The following KDM3B variants were observed in gnomAD, a reference collection of about 807,000 sequenced individuals.
The protein encoded by KDM3B is lysine-specific demethylase 3B.
A neutral mutation model predicts 170.0 loss-of-function variants in KDM3B; 10 were observed. The observed-to-expected ratio is 0.06, with a 90% CI of 0.04 to 0.10. KDM3B has a LOEUF of 0.10. KDM3B is among the 10% of genes least tolerant of loss of function. The pLI is 1.00. For synonymous variants in KDM3B, 831 were observed against 834.8 expected (o/e 1.00, Z 0.08); for missense variants, 1,394 against 2,195.2 (o/e 0.64, Z 7.29).
Position 138,352,912 on chromosome 5 carries a change from G to C in KDM3B, c.117G>C (p.Gly39=). ...CGGCAGCGGCGAGCGGAGATCCGGG[G>C]CCTGCGCTGCGCACTCGAGCCTGGC... is the stretch of plus-strand genomic sequence containing the variant. ...PAAAAASGDP[G]PALRTRAWRA... is the part of the protein sequence containing the mutation. The change falls in exon 1 of 24, where the codon GGG becomes GGC. Residue 39 remains glycine, a synonymous_variant. Transcript: ENST00000314358. 7.3e-7 allele frequency: 1 copy of C among 1,363,784 alleles called. No individual in the cohort carries two copies. Among genetic ancestry groups the C allele is most frequent in the Non-Finnish European group, 9.5e-7 (1 of 1,057,296 alleles). The allele number at this position is 1,363,784 out of a possible 1,614,324, so 84.5% of individuals were successfully genotyped here.
At chr5:138,362,789 G>A (rs1761646910) in intron 1 of KDM3B, among the ~76,000 whole-genome samples, 1 of 148,816 alleles carries the variant, frequency 6.7e-6, no homozygotes, top group Non-Finnish European at 1.5e-5. Flanking sequence ...TGCACAACGT[G>A]CAGGTTTGTT....
rs1762451955 is a variant in KDM3B, at chr5:138,392,196, T to C, written c.2564T>C (p.Leu855Pro). 1 of 1,516,868 alleles carries C rather than the reference T, an allele frequency of 6.6e-7. No homozygotes were observed. Among genetic ancestry groups the C allele is most frequent in the African/African-American group, 1.4e-5 (1 of 71,980 alleles). The allele number at this position is 1,516,868 out of a possible 1,614,324, so 94.0% of individuals were successfully genotyped here. A position where few individuals can be genotyped will look rare whatever the true frequency, so the allele number is the denominator to read the frequency against. Residue 855 changes from leucine to proline, a missense_variant, in exon 8 of 24, where the codon CTG (leucine) becomes CCG (proline). Leu to Pro is a moderately conservative substitution (Grantham distance 98, BLOSUM62 -3). Transcript: ENST00000314358. Reference protein sequence around the residue: ...LGPNGERSAELLLGKSKGKQA... With the variant: ...LGPNGERSAEPLLGKSKGKQA... ...CCCAATGGGGAGCGCAGTGCTGAGC[T>C]GTTGCTGGGCAAAAGCAAAGGGAAG...
chr5:138,399,848 T>C lies in KDM3B; in HGVS notation c.3047-12T>C. 6.2e-7 allele frequency: 1 copy of C among 1,610,452 alleles called. No homozygotes were observed. On this transcript the variant is annotated splice_polypyrimidine_tract_variant and intron_variant, in intron 10 of 23. Transcript: ENST00000314358. ...GATGATCAATGCCAATTCTGTTTCCTCTTTCCACCAGAGAAAGTGGCATGG... is the reference window on the plus strand; with the variant it reads ...GATGATCAATGCCAATTCTGTTTCCCCTTTCCACCAGAGAAAGTGGCATGG...
At chr5:138,400,042 A>G in intron 11 of KDM3B, 30 bp downstream of exon 11, 1 of 1,610,578 alleles carries the variant, frequency 6.2e-7, no homozygotes, top group Non-Finnish European at 8.5e-7. Flanking sequence ...TGTAGCTCGA[A>G]AGGTAACGTG....
rs1761372812 is a variant in KDM3B, at chr5:138,353,195, G to GGGGGCGGCC, written c.192+209_192+217dup. ...GGGGTGTGCGCCCCGGTTTCCCCCG[G>GGGGGCGGCC]GGGGCGGCCAGGGCGTCCGGAGCTG... On this transcript the variant is annotated intron_variant, in intron 1 of 23. Coordinates refer to ENST00000314358, the MANE Select transcript of KDM3B (RefSeq NM_016604.4). 3.3e-5 allele frequency among the ~76,000 whole-genome samples: 5 copies of GGGGGCGGCC among 152,352 alleles called. No individual in the cohort carries two copies. The South Asian group carries it at 8.3e-4, about 25-fold the overall frequency.
At position 138,412,912 on chromosome 5, in the gene KDM3B, C is replaced by G. The variant is rs148715871; in HGVS notation, c.3200-2220C>G. The stretch of plus-strand genomic sequence containing the variant: ...TCCACATTGGCCTCCCAAAGTGCTA[C>G]AGGTGTGAGCTACCATGCCAGCCCA... On this transcript the variant is annotated intron_variant, in intron 11 of 23. Coordinates refer to ENST00000314358, the MANE Select transcript of KDM3B (RefSeq NM_016604.4). 3.0e-4 allele frequency among the ~76,000 whole-genome samples: 46 copies of G among 152,280 alleles called. No individual in the cohort carries two copies. The East Asian group carries it at 8.9e-3, about 29-fold the overall frequency.
chr5:138,419,372 G>A lies in KDM3B; in HGVS notation c.3715+140G>A, dbSNP rs544226271. 1.5e-5 allele frequency: 16 copies of A among 1,093,938 alleles called. No homozygotes were observed. The East Asian group carries it at 2.9e-4, about 20-fold the overall frequency. The allele number at this position is 1,093,938 out of a possible 1,614,324, so 67.8% of individuals were successfully genotyped here. A position where few individuals can be genotyped will look rare whatever the true frequency, so the allele number is the denominator to read the frequency against. On this transcript the variant is annotated intron_variant, in intron 14 of 23. Coordinates refer to ENST00000314358, the MANE Select transcript of KDM3B (RefSeq NM_016604.4). The stretch of plus-strand genomic sequence containing the variant: ...CTGGCTAATCACATGAGGGACTGCC[G>A]GGGCCTGGCGTGGTGGCTCACGCGT...
At chr5:138,356,079 A>G (rs1019097252) in intron 1 of KDM3B, among the ~76,000 whole-genome samples, 1 of 152,146 alleles carries the variant, frequency 6.6e-6, no homozygotes, top group Admixed American at 6.5e-5. Context: ...TAACTACCTT[A>G]TATTCCATAG....
chr5:138,424,267 A>G lies in KDM3B; in HGVS notation c.4165A>G (p.Arg1389Gly). 1.2e-6 allele frequency: 2 copies of G among 1,614,146 alleles called. No individual in the cohort carries two copies. ...TTCTCACTCCTGGCTTTGTGATGGG[A>G]GGCTTCTGTGTCTCCATGACCCCAG... ...HTSHSWLCDG[R>G]LLCLHDPSNK... Residue 1389 changes from arginine (R) to glycine (G), a missense_variant, in exon 16 of 24, where the codon AGG becomes GGG. By Grantham distance (125) the Arg-to-Gly change is moderately radical. Around this residue, in one of 19 missense-constraint regions of KDM3B, gnomAD observed 66 missense variants for 178.8 expected, o/e 0.37. Transcript: ENST00000314358.
rs1473822424 is a variant in KDM3B, at chr5:138,352,719, T to C, written c.-77T>C. ...CCGCGGGTGGTGCGGAGGGAGGCCTTGCGGGCGGATCGGGCGCTTGGCGGC... is the reference window on the plus strand; with the variant it reads ...CCGCGGGTGGTGCGGAGGGAGGCCTCGCGGGCGGATCGGGCGCTTGGCGGC... On this transcript the variant is annotated 5_prime_UTR_variant, in exon 1 of 24. Coordinates refer to ENST00000314358, the MANE Select transcript of KDM3B (RefSeq NM_016604.4). 3.0e-6 allele frequency: 3 copies of C among 989,706 alleles called. No homozygotes were observed. Among genetic ancestry groups the C allele is most frequent in the African/African-American group, 4.2e-5 (2 of 47,734 alleles). The allele number at this position is 989,706 out of a possible 1,614,324, so 61.3% of individuals were successfully genotyped here. A position where few individuals can be genotyped will look rare whatever the true frequency, so the allele number is the denominator to read the frequency against.
At chr5:138,353,709 C>T (rs1317935012) in intron 1 of KDM3B, among the ~76,000 whole-genome samples, 1 of 152,198 alleles carries the variant, frequency 6.6e-6, no homozygotes, top group Non-Finnish European at 1.5e-5. Context: ...CTCAGCTACT[C>T]CCCCAACCTT....
intron 1 of KDM3B, among the ~76,000 whole-genome samples, chr5:138,359,982 G>A (rs1348440795): frequency 6.6e-6 from 1 of 152,158 alleles, no homozygotes; most frequent in Non-Finnish European, 1.5e-5. Flanking sequence ...AGGAGTGAAA[G>A]TGTATCTGCC....
intron 1 of KDM3B, among the ~76,000 whole-genome samples, chr5:138,368,706 C>T (rs2126918258): frequency 6.6e-6 from 1 of 152,258 alleles, no homozygotes; most frequent in South Asian, 2.1e-4. Flanking sequence ...GCTCTCAAAA[C>T]AAATTCATAT....
In KDM3B at chr5:138,435,977, G is replaced by A. The variant is rs776689383; in HGVS notation, c.*277G>A. On this transcript the variant is annotated 3_prime_UTR_variant, in exon 24 of 24. Coordinates refer to ENST00000314358, the MANE Select transcript of KDM3B (RefSeq NM_016604.4). ...GAAATCCAAATTGCCTGAACATGGC[G>A]GGGCTTTCCTGCACATTCTCCTGAT... 1.5e-5 allele frequency: 6 copies of A among 397,264 alleles called. No homozygotes were observed. Among genetic ancestry groups the A allele is most frequent in the South Asian group, 1.1e-4 (3 of 27,150 alleles). The allele number at this position is 397,264 out of a possible 1,614,324, so 24.6% of individuals were successfully genotyped here. A position where few individuals can be genotyped will look rare whatever the true frequency, so the allele number is the denominator to read the frequency against.
chr5:138,368,551 A>T (rs1431107138), intron 1 of KDM3B, among the ~76,000 whole-genome samples: 1 of 152,076 alleles, frequency 6.6e-6, no homozygotes, highest in Admixed American at 6.6e-5. Context: ...ACTTGAAATG[A>T]TTCTTTACTT....
intron 7 of KDM3B, among the ~76,000 whole-genome samples, chr5:138,387,134 C>G (rs1762284352): frequency 1.3e-5 from 2 of 152,116 alleles, no homozygotes; most frequent in Non-Finnish European, 2.9e-5. Context: ...CTATCTTCAC[C>G]TTTTTAAGCC....
chr5:138,430,178 C>T lies in KDM3B; in HGVS notation c.4894-71C>T, dbSNP rs887596058. 7.2e-6 allele frequency: 11 copies of T among 1,531,692 alleles called. No individual in the cohort carries two copies. The African/African-American group carries it at 1.5e-4, about 21-fold the overall frequency. The allele number at this position is 1,531,692 out of a possible 1,614,324, so 94.9% of individuals were successfully genotyped here. Reference sequence around the variant, plus strand: ...ATCCCCACCCCATCTTAGGACATTGCTGCAGCAAGTTGGATTTATGCTGTT... The same window carrying T: ...ATCCCCACCCCATCTTAGGACATTGTTGCAGCAAGTTGGATTTATGCTGTT... On this transcript the variant is annotated intron_variant, in intron 21 of 23. Coordinates refer to ENST00000314358, the MANE Select transcript of KDM3B (RefSeq NM_016604.4).
At chr5:138,380,319 T>G (rs1021851518) in intron 5 of KDM3B, among the ~76,000 whole-genome samples, 2 of 148,862 alleles carry the variant, frequency 1.3e-5, no homozygotes, top group South Asian at 4.2e-4. Flanking sequence ...ATTTATATGA[T>G]ATATATGAGT....
intron 11 of KDM3B, among the ~76,000 whole-genome samples, chr5:138,400,473 C>T (rs116639917): frequency 0.013 from 1,964 of 151,614 alleles, 42 homozygotes; most frequent in African/African-American, 0.044. Flanking sequence ...CAAGGCTTAG[C>T]GTGGTGGCTC....
Sources: gnomAD v4.1 joint callset for allele counts (sites outside exome capture counted in the v4.1 genomes callset) on GRCh38, gnomAD v4.1.1 for gene constraint, gnomAD v4.1.1 regional missense constraint, MANE v1.5 for transcripts, NCBI Gene and HGNC (gene_info 2026-07-23, HGNC 2026-07-21) for gene names.